Variants in CELA2B observed in about 807,000 individuals in gnomAD.
CELA2B encodes chymotrypsin like elastase 2B.
Under a neutral mutation model 36.5 loss-of-function variants are expected in CELA2B, and 27 were observed. That is an observed-to-expected ratio of 0.74 (90% CI 0.55 to 1.02). The LOEUF is 1.02. Ranked by LOEUF, CELA2B falls within the 50% of genes least tolerant of loss-of-function variation. The pLI is 0.00. For missense variants in CELA2B, 340 were observed against 347.8 expected, an observed-to-expected ratio of 0.98 and a Z score of 0.18; for synonymous variants, 143 against 148.5, an observed-to-expected ratio of 0.96 and a Z score of 0.27.
chr1:15,478,218 TGGG>T (rs1352824726), intron 2 of CELA2B, among the ~76,000 whole-genome samples: 1,535 of 38,668 alleles, frequency 0.04, 36 homozygotes, highest in African/African-American at 0.22. Context: ...ATATATATAT[TGGG>T]ATATATAGTT....
At chr1:15,484,618 C>A (rs1299284668) in intron 5 of CELA2B, among the ~76,000 whole-genome samples, 1 of 152,142 alleles carries the variant, frequency 6.6e-6, no homozygotes, top group Non-Finnish European at 1.5e-5. Flanking sequence ...GATACAAGCA[C>A]AACCACCTGT....
At chr1:15,484,888 A>G (rs1465434609) in intron 5 of CELA2B, among the ~76,000 whole-genome samples, 1 of 152,090 alleles carries the variant, frequency 6.6e-6, no homozygotes, top group East Asian at 1.9e-4. Context: ...AATGGTCTTA[A>G]GCAAAAAGCT....
Position 15,485,884 on chromosome 1 carries a change from T to G in CELA2B, c.494-17T>G, listed in dbSNP as rs747571473. The G allele has an allele frequency of 9.3e-6, 15 of 1,613,856 alleles. No individual in the cohort carries two copies. Among genetic ancestry groups the G allele is most frequent in the Non-Finnish European group, 1.7e-6 (2 of 1,179,936 alleles). Reference sequence around the variant, plus strand: ...GAGTCCCTGCGTCCCTAATGGCTTCTCTCTGGTCTCATTCAGCCAACGGGG... The same window carrying G: ...GAGTCCCTGCGTCCCTAATGGCTTCGCTCTGGTCTCATTCAGCCAACGGGG... On this transcript the variant is annotated splice_polypyrimidine_tract_variant and intron_variant, in intron 5 of 7. Transcript: ENST00000375910.
chr1:15,487,474 A>G (rs3737704), intron 7 of CELA2B, 37 bp downstream of exon 7: 15 of 1,611,614 alleles, frequency 9.3e-6, no homozygotes, highest in African/African-American at 1.3e-5. Flanking sequence ...CAAGGCACTG[A>G]CCTGCTCACC....
In CELA2B at chr1:15,491,289, C is replaced by G. The variant is rs1437050998; in HGVS notation, c.793-6C>G. The G allele has an allele frequency of 6.2e-7, 1 of 1,614,076 alleles. No individual in the cohort carries two copies. ...CTGACAATTTTCTTGTGTGTGTGTCCTGCAGGTGATTGCAAATAACTAACC... is the reference window on the plus strand; with the variant it reads ...CTGACAATTTTCTTGTGTGTGTGTCGTGCAGGTGATTGCAAATAACTAACC... On this transcript the variant is annotated splice_region_variant and splice_polypyrimidine_tract_variant and intron_variant, in intron 7 of 7. Transcript: ENST00000375910.
At chr1:15,484,339 G>A (rs1044382701) in intron 5 of CELA2B, among the ~76,000 whole-genome samples, 2 of 152,116 alleles carry the variant, frequency 1.3e-5, no homozygotes, top group Non-Finnish European at 2.9e-5. Flanking sequence ...CTTCCCTTGT[G>A]AAAACACCAG....
At chr1:15,484,218 C>T (rs985753105) in intron 5 of CELA2B, among the ~76,000 whole-genome samples, 11 of 152,104 alleles carry the variant, frequency 7.2e-5, no homozygotes, top group African/African-American at 1.7e-4. Context: ...GTCCCCTGTG[C>T]CATTTGGTCT....
chr1:15,481,292 C>A, intron 3 of CELA2B, 97 bp downstream of exon 3: 3 of 1,425,830 alleles, frequency 2.1e-6, no homozygotes, highest in Non-Finnish European at 3.0e-6. Context: ...CATGAAGTAA[C>A]CTTGCAAATA....
At chr1:15,479,000 G>T (rs890052826) in intron 2 of CELA2B, among the ~76,000 whole-genome samples, 1 of 152,166 alleles carries the variant, frequency 6.6e-6, no homozygotes, top group Admixed American at 6.5e-5. Context: ...GCCCGGGGGG[G>T]AATGAGGATT....
At chr1:15,486,185 A>T (rs1400294198) in intron 6 of CELA2B, 139 bp downstream of exon 6, 1 of 1,157,758 alleles carries the variant, frequency 8.6e-7, no homozygotes, top group Non-Finnish European at 1.2e-6. Flanking sequence ...CAGATATATC[A>T]GAACCTGACC....
intron 2 of CELA2B, among the ~76,000 whole-genome samples, 194 bp downstream of exon 2, chr1:15,476,739 T>G (rs1254829505): frequency 6.6e-6 from 1 of 152,278 alleles, no homozygotes; most frequent in East Asian, 1.9e-4. Context: ...TCCCAGCACT[T>G]TGGAAGGTCG....
intron 7 of CELA2B, 58 bp downstream of exon 7, chr1:15,487,495 A>G: frequency 2.5e-6 from 4 of 1,596,146 alleles, no homozygotes; most frequent in Non-Finnish European, 3.4e-6. Flanking sequence ...TGGCCTCGGG[A>G]GTGCCATGCC....
chr1:15,477,040 G>C (rs1708682377), intron 2 of CELA2B, among the ~76,000 whole-genome samples: 2 of 152,268 alleles, frequency 1.3e-5, no homozygotes, highest in Middle Eastern at 6.8e-3. Context: ...TGAAGGGAGA[G>C]GTGCCTCCTC....
chr1:15,482,953 A>C (rs1708760380), intron 4 of CELA2B, among the ~76,000 whole-genome samples: 1 of 151,814 alleles, frequency 6.6e-6, no homozygotes, highest in African/African-American at 2.4e-5. Flanking sequence ...AGGCCCGGCT[A>C]ATCTTTTGTA....
chr1:15,491,144 C>A, intron 7 of CELA2B, 151 bp from the exon 8 acceptor site: 1 of 819,960 alleles, frequency 1.2e-6, no homozygotes, highest in South Asian at 1.4e-5. Context: ...TCCGAAACAT[C>A]ATCTGAACTC....
At chr1:15,491,249 T>A (rs1433086075) in intron 7 of CELA2B, 46 bp from the exon 8 acceptor site, 1 of 1,613,772 alleles carries the variant, frequency 6.2e-7, no homozygotes, top group South Asian at 1.1e-5. Flanking sequence ...CGCACAGCTC[T>A]GTGGTTACGT....
In CELA2B at chr1:15,483,413, C is replaced by T. The variant is rs1257848459; in HGVS notation, c.493+13C>T. On this transcript the variant is annotated intron_variant, in intron 5 of 7. Coordinates refer to ENST00000375910, the MANE Select transcript of CELA2B (RefSeq NM_015849.3). ...GGAAGGCTGCAGAGTAAGTGGGAGC[C>T]AGGAGCCCCCAGGCCTGGGAGGGAA... The T allele has an allele frequency of 6.2e-7, 1 of 1,613,298 alleles. No individual in the cohort carries two copies. The highest frequency in any genetic ancestry group is 1.7e-5 in the Admixed American group (1 of 59,992).
chr1:15,481,087 T>C lies in CELA2B; in HGVS notation c.130-11T>C. 1 of 1,611,688 alleles carries C rather than the reference T, an allele frequency of 6.2e-7. No individual in the cohort carries two copies. On this transcript the variant is annotated splice_polypyrimidine_tract_variant and intron_variant, in intron 2 of 7. Transcript: ENST00000375910. ...TTTCAGCCACAGCCACAGACCTGTG[T>C]TTCTCCCCAGGTCTCCCTGCAGTAC...
chr1:15,491,257 C>A, intron 7 of CELA2B, 38 bp from the exon 8 acceptor site: 1 of 1,613,872 alleles, frequency 6.2e-7, no homozygotes, highest in Non-Finnish European at 8.5e-7. Context: ...TCTGTGGTTA[C>A]GTGAACCTGA....
Sources: allele counts gnomAD v4.1 joint callset (sites outside exome capture counted in the v4.1 genomes callset), GRCh38; gene constraint gnomAD v4.1.1; transcripts MANE v1.5; gene names NCBI Gene and HGNC (gene_info 2026-07-23, HGNC 2026-07-21).